SUPT3H: variants seen among roughly 807,000 people sequenced by gnomAD.
SUPT3H encodes the protein transcription initiation protein SPT3 homolog.
In SUPT3H, 44 loss-of-function variants were observed where a neutral mutation model predicts 44.3. That is an observed-to-expected ratio of 0.99 (90% CI 0.78 to 1.28). The LOEUF (loss-of-function observed/expected upper bound fraction) is 1.28, where lower values mean the gene tolerates loss of function less well. Ranked by LOEUF, SUPT3H falls within the 50% of genes most tolerant of loss-of-function variation. The probability of loss-of-function intolerance (pLI) is 0.00; values close to 1 mark genes in which losing one functional copy is unlikely to be tolerated. For missense variants in SUPT3H, 380 were observed against 387.1 expected, an observed-to-expected ratio of 0.98 and a Z score of 0.15; for synonymous variants, 124 against 125.6, an observed-to-expected ratio of 0.99 and a Z score of 0.09.
At chr6:44,934,831 T>C (rs1771161344) in intron 9 of SUPT3H, among the ~76,000 whole-genome samples, 2 of 152,172 alleles carry the variant, frequency 1.3e-5, no homozygotes, top group South Asian at 2.1e-4. Context: ...CCACCCAGTT[T>C]ACAGGATTTT....
At chr6:45,165,810 G>GA (rs1024479897) in intron 2 of SUPT3H, among the ~76,000 whole-genome samples, 2 of 151,250 alleles carry the variant, frequency 1.3e-5, no homozygotes, top group African/African-American at 2.4e-5. Context: ...AAACAAAGGG[G>GA]AAAAAAAAGA....
Position 45,053,263 on chromosome 6 carries a change from C to A in SUPT3H, c.187-32631G>T, listed in dbSNP as rs139797386. ...ATGGGGTCTCACAATGTTGCCCAGG[C>A]TGGTCTCCAACTCCCAGCCTCAAGA... On this transcript the variant is annotated intron_variant, in intron 3 of 10. Transcript: ENST00000371459. 4.4e-3 allele frequency among the ~76,000 whole-genome samples: 660 copies of A among 151,214 alleles called. 5 individuals carry two copies. Among genetic ancestry groups the A allele is most frequent in the African/African-American group, 0.015 (633 of 41,178 alleles).
chr6:45,335,249 A>G (rs1390459046), intron 2 of SUPT3H, among the ~76,000 whole-genome samples: 1 of 151,320 alleles, frequency 6.6e-6, no homozygotes, highest in Non-Finnish European at 1.5e-5. Flanking sequence ...ATTTTAAGTG[A>G]AAAGATATAA....
chr6:45,129,691 T>C (rs1329334350), intron 2 of SUPT3H, among the ~76,000 whole-genome samples: 2 of 152,110 alleles, frequency 1.3e-5, no homozygotes, highest in Non-Finnish European at 2.9e-5. Context: ...ATAAACTTTT[T>C]ATCATGAAAA....
At chr6:44,905,082 G>A (rs1765771179) in intron 10 of SUPT3H, among the ~76,000 whole-genome samples, 2 of 151,948 alleles carry the variant, frequency 1.3e-5, no homozygotes, top group South Asian at 4.2e-4. Context: ...AGAAAACCTA[G>A]GCAATACCAT....
chr6:44,964,568 T>C (rs1210906180), intron 6 of SUPT3H, among the ~76,000 whole-genome samples: 2 of 152,182 alleles, frequency 1.3e-5, no homozygotes, highest in Admixed American at 1.3e-4. Flanking sequence ...TTCAAAGATA[T>C]CCATAAACAT....
At chr6:45,350,114 A>G (rs1298791994) in intron 2 of SUPT3H, among the ~76,000 whole-genome samples, 2 of 152,240 alleles carry the variant, frequency 1.3e-5, no homozygotes, top group Non-Finnish European at 2.9e-5. Flanking sequence ...TACAAAAACA[A>G]AAGTATTTCT....
intron 2 of SUPT3H, among the ~76,000 whole-genome samples, chr6:45,231,332 ATCCT>A (rs1768008933): frequency 6.6e-6 from 1 of 152,114 alleles, no homozygotes; most frequent in South Asian, 2.1e-4. Flanking sequence ...GACTTTATTT[ATCCT>A]TCCTTCATGA....
chr6:45,209,618 T>C (rs1208396081), intron 2 of SUPT3H, among the ~76,000 whole-genome samples: 1 of 152,112 alleles, frequency 6.6e-6, no homozygotes, highest in Non-Finnish European at 1.5e-5. Flanking sequence ...AAGAAAGTGG[T>C]TTCCTAAGAT....
intron 2 of SUPT3H, among the ~76,000 whole-genome samples, chr6:45,258,352 A>G (rs1197865347): frequency 2.0e-5 from 3 of 152,220 alleles, no homozygotes; most frequent in African/African-American, 7.2e-5. Context: ...ATGAGTTTTA[A>G]AGGGGAAAAA....
chr6:45,286,726 G>A (rs1248160537), intron 2 of SUPT3H, among the ~76,000 whole-genome samples: 1 of 152,182 alleles, frequency 6.6e-6, no homozygotes, highest in Non-Finnish European at 1.5e-5. Flanking sequence ...ATTTGACCCA[G>A]CCATCCCATT....
At chr6:44,990,270 T>C (rs185086822) in intron 6 of SUPT3H, among the ~76,000 whole-genome samples, 10 of 152,260 alleles carry the variant, frequency 6.6e-5, no homozygotes, top group African/African-American at 2.2e-4. Flanking sequence ...CTTGACACCT[T>C]TGTCGAAGAT....
intron 10 of SUPT3H, among the ~76,000 whole-genome samples, chr6:44,882,958 C>G (rs2153435744): frequency 6.6e-6 from 1 of 152,290 alleles, no homozygotes; most frequent in East Asian, 1.9e-4. Context: ...TGGAAGCATT[C>G]CTTCTTAAAA....
chr6:45,321,830 G>A, intron 2 of SUPT3H: 1 of 1,605,226 alleles, frequency 6.2e-7, no homozygotes, highest in African/African-American at 1.3e-5. Flanking sequence ...AGGATATTGT[G>A]ATAACAATAG....
At chr6:45,098,503 A>T in intron 3 of SUPT3H, 1 of 250,072 alleles carries the variant, frequency 4.0e-6, no homozygotes, top group Non-Finnish European at 8.1e-6. Flanking sequence ...CAAAGGAGTA[A>T]GCCCCACATT....
At chr6:45,004,835 G>T (rs1415407019) in intron 5 of SUPT3H, among the ~76,000 whole-genome samples, 1 of 152,108 alleles carries the variant, frequency 6.6e-6, no homozygotes, top group African/African-American at 2.4e-5. Context: ...CAATTAGGAA[G>T]AAAAATCCCT....
chr6:45,103,251 G>A (rs1466840468), intron 3 of SUPT3H, among the ~76,000 whole-genome samples: 1 of 152,094 alleles, frequency 6.6e-6, no homozygotes, highest in Admixed American at 6.6e-5. Flanking sequence ...ATCTGGACAG[G>A]ATGAATCTCA....
intron 2 of SUPT3H, among the ~76,000 whole-genome samples, chr6:45,251,514 A>C (rs1297830979): frequency 6.6e-6 from 1 of 152,146 alleles, no homozygotes; most frequent in Non-Finnish European, 1.5e-5. Context: ...AAAGAAATTT[A>C]TAGCTGTCAA....
chr6:45,154,769 A>G (rs1238998736), intron 2 of SUPT3H, among the ~76,000 whole-genome samples: 1 of 152,168 alleles, frequency 6.6e-6, no homozygotes, highest in Admixed American at 6.6e-5. Flanking sequence ...TCTAAACCTC[A>G]TTGGGTTATT....
Sources: allele counts gnomAD v4.1 joint callset (sites outside exome capture counted in the v4.1 genomes callset), GRCh38; gene constraint gnomAD v4.1.1; transcripts MANE v1.5; gene names NCBI Gene and HGNC (gene_info 2026-07-23, HGNC 2026-07-21).